ZC3H14: variants seen among roughly 807,000 people sequenced by gnomAD.
ZC3H14 encodes the protein zinc finger CCCH-type containing 14.
ZC3H14 carries 31 observed loss-of-function variants against 92.4 expected under a neutral mutation model. That is an observed-to-expected ratio of 0.34 (90% confidence interval 0.25 to 0.45). The LOEUF (loss-of-function observed/expected upper bound fraction) is 0.45. Among genes scored for constraint, ZC3H14 ranks in the 20% least tolerant of loss-of-function variants. ZC3H14 has a pLI of 1.00. For synonymous variants in ZC3H14, 321 were observed against 300.9 expected, an observed-to-expected ratio of 1.07 and a Z score of -0.69; for missense variants, 781 against 897.3, an observed-to-expected ratio of 0.87 and a Z score of 1.66.
chr14:88,566,054 G>GT (rs1232465391), intron 2 of ZC3H14, among the ~76,000 whole-genome samples: 3 of 40,194 alleles, frequency 7.5e-5, no homozygotes, highest in African/African-American at 2.7e-4. Context: ...TAATTTTTGT[G>GT]TTTTTAGTGG....
intron 2 of ZC3H14, among the ~76,000 whole-genome samples, chr14:88,566,023 A>ACCC (rs1447798619): frequency 6.9e-4 from 2 of 2,914 alleles, no homozygotes. Context: ...ACCTGCCACC[A>ACCC]CCCCGCCCCC....
In ZC3H14 at chr14:88,574,561, A is replaced by T. The variant is rs1421569719; in HGVS notation, c.862-132A>T. 36 of 1,206,904 alleles carry T rather than the reference A, an allele frequency of 3.0e-5. 1 individual carries two copies. The South Asian group carries it at 4.7e-4, about 16-fold the overall frequency. The allele number at this position is 1,206,904 out of a possible 1,614,324, so 74.8% of individuals were successfully genotyped here. On this transcript the variant is annotated intron_variant, in intron 6 of 16. Transcript: ENST00000251038. ...CCCAGCCTCATATTTATATTTTTAC[A>T]TAAAACCAAGAAATACTCTGTGAAT...
rs1024026435 is a variant in ZC3H14, at chr14:88,627,295, T to C, written c.*15544T>C. On this transcript the variant is annotated 3_prime_UTR_variant, in exon 17 of 17. Coordinates refer to ENST00000251038, the MANE Select transcript of ZC3H14 (RefSeq NM_024824.5). ...TTGTCTAAAGTGTGGTAGGTAATAT[T>C]ATCCTGCTGATCTGCCATTATCATT... 6 of 529,598 alleles carry C rather than the reference T, an allele frequency of 1.1e-5. No homozygotes were observed. Among genetic ancestry groups the C allele is most frequent in the African/African-American group, 5.7e-5 (3 of 52,854 alleles). The allele number at this position is 529,598 out of a possible 1,614,324, so 32.8% of individuals were successfully genotyped here. A position where few individuals can be genotyped will look rare whatever the true frequency, so the allele number is the denominator to read the frequency against.
In ZC3H14 at chr14:88,574,761, T is replaced by C. The variant is rs141723117; in HGVS notation, c.930T>C (p.His310=). 2.4e-5 allele frequency: 38 copies of C among 1,613,934 alleles called. No individual in the cohort carries two copies. The highest frequency in any genetic ancestry group is 2.9e-5 in the Non-Finnish European group (34 of 1,180,026). Reference sequence around the variant, plus strand: ...TTGTTAAAGTAAAAAAATTCAATCATGATGGAGAAGAGGAGGAAGAAGATG... The same window carrying C: ...TTGTTAAAGTAAAAAAATTCAATCACGATGGAGAAGAGGAGGAAGAAGATG... ...SSVVKVKKFN[H]DGEEEEEDDD... is the part of the protein sequence containing the mutation. Residue 310 remains histidine (H), a synonymous_variant, in exon 7 of 17, where the codon CAT becomes CAC. Coordinates refer to ENST00000251038, the MANE Select transcript of ZC3H14 (RefSeq NM_024824.5).
At chr14:88,574,002 T>G (rs1358562513) in intron 6 of ZC3H14, among the ~76,000 whole-genome samples, 1 of 152,210 alleles carries the variant, frequency 6.6e-6, no homozygotes, top group Non-Finnish European at 1.5e-5. Context: ...AGAGTTCTTT[T>G]GTATCACATC....
In ZC3H14 at chr14:88,620,435, A is replaced by G; in HGVS notation, c.*8684A>G. 4.7e-6 allele frequency: 1 copy of G among 213,266 alleles called. No individual in the cohort carries two copies. Among genetic ancestry groups the G allele is most frequent in the Non-Finnish European group, 9.2e-6 (1 of 109,128 alleles). 13.2% of individuals were successfully genotyped at this position (213,266 alleles called of 1,614,324 possible). A position where few individuals can be genotyped will look rare whatever the true frequency, so the allele number is the denominator to read the frequency against. ...TAGTTTTCCAGGGTGACAACTTTTG[A>G]AGGGCAGATAGCTCTCTTGTATTAC... On this transcript the variant is annotated 3_prime_UTR_variant, in exon 17 of 17. Coordinates refer to ENST00000251038, the MANE Select transcript of ZC3H14 (RefSeq NM_024824.5). This position sits in a 1 kb window ranked among gnomAD's most constrained non-coding sequence, Gnocchi z 4.3.
chr14:88,627,144 G>C lies in ZC3H14; in HGVS notation c.*15393G>C. 7.8e-7 allele frequency: 1 copy of C among 1,279,172 alleles called. No homozygotes were observed. Among genetic ancestry groups the C allele is most frequent in the Non-Finnish European group, 1.1e-6 (1 of 903,940 alleles). The allele number at this position is 1,279,172 out of a possible 1,614,324, so 79.2% of individuals were successfully genotyped here. A position where few individuals can be genotyped will look rare whatever the true frequency, so the allele number is the denominator to read the frequency against. ...AAAATACATAGTTCAAAAAACAAAG[G>C]CTTAGAAGAGAGGCCAATGGCCCCT... On this transcript the variant is annotated 3_prime_UTR_variant, in exon 17 of 17. Transcript: ENST00000251038.
chr14:88,563,124 C>T lies in ZC3H14; in HGVS notation c.-10C>T. 6.3e-7 allele frequency: 1 copy of T among 1,591,268 alleles called. No homozygotes were observed. Among genetic ancestry groups the T allele is most frequent in the Non-Finnish European group, 8.5e-7 (1 of 1,172,850 alleles). The stretch of plus-strand genomic sequence containing the variant: ...CCGCGCAGTGCTGAGTTCCCGCACG[C>T]CGCAGAGCCATGGAGATCGGCACCG... On this transcript the variant is annotated 5_prime_UTR_variant, in exon 1 of 17. Transcript: ENST00000251038.
chr14:88,600,651 T>C (rs1211612704), intron 10 of ZC3H14, among the ~76,000 whole-genome samples: 1 of 152,080 alleles, frequency 6.6e-6, no homozygotes, highest in Non-Finnish European at 1.5e-5. Flanking sequence ...GAGGTCTCAC[T>C]ATGTTGCCTA....
rs764340423 is a variant in ZC3H14 at position 88,618,310 on chromosome 14, G to A, written c.*6559G>A. On this transcript the variant is annotated 3_prime_UTR_variant, in exon 17 of 17. Transcript: ENST00000251038. ...CCTGAAGGCACTTCATAGACATGCC[G>A]TTTATAGCAGCCACTAGAGACCTTT... 11 of 1,613,640 alleles carry A rather than the reference G, an allele frequency of 6.8e-6. No individual in the cohort carries two copies. Among genetic ancestry groups the A allele is most frequent in the South Asian group, 3.3e-5 (3 of 91,066 alleles).
chr14:88,572,504 G>A, intron 5 of ZC3H14, 74 bp from the exon 6 acceptor site: 2 of 1,575,414 alleles, frequency 1.3e-6, no homozygotes, highest in South Asian at 2.3e-5. Context: ...AATTTTTCAA[G>A]TAAACATTCT....
intron 1 of ZC3H14, chr14:88,563,403 C>G (rs1036088120): frequency 1.3e-4 from 188 of 1,430,690 alleles, no homozygotes; most frequent in Non-Finnish European, 1.6e-4. Flanking sequence ...GGCGCAGGCC[C>G]GGCTGGAGCC....
At position 88,563,094 on chromosome 14, in the gene ZC3H14, A is replaced by T. The variant is rs572452661; in HGVS notation, c.-40A>T. The T allele has an allele frequency of 3.0e-5, 47 of 1,566,508 alleles. No individual in the cohort carries two copies. The South Asian group carries it at 5.4e-4, about 18-fold the overall frequency. The stretch of plus-strand genomic sequence containing the variant: ...GTCCGCGGCAGCCTCCGGGTAAGCC[A>T]AGCGCCGCGCAGTGCTGAGTTCCCG... On this transcript the variant is annotated 5_prime_UTR_variant, in exon 1 of 17. Transcript: ENST00000251038.
At chr14:88,566,028 G>GCCCCCCCCCCCCCCCCCCCCCCCCC (rs1161358992) in intron 2 of ZC3H14, among the ~76,000 whole-genome samples, 1 of 2,708 alleles carries the variant, frequency 3.7e-4, no homozygotes, top group Non-Finnish European at 1.1e-3. Context: ...CCACCACCCC[G>GCCCCCCCCCCCCCCCCCCCCCCCCC]CCCCCCCCCC....
chr14:88,602,716 T>C (rs1356491248), intron 11 of ZC3H14, 112 bp from the exon 12 acceptor site: 2 of 1,162,388 alleles, frequency 1.7e-6, no homozygotes, highest in Non-Finnish European at 2.5e-6. Context: ...CTTTTTTTAT[T>C]GAACCAAACG....
chr14:88,616,070 G>GTTTATGAGTT lies in ZC3H14; in HGVS notation c.*4320_*4321insTTATGAGTTT. ...CTAGCTGATTTCATAAACCAAAGCT[G>GTTTATGAGTT]TAGGAGTTGTTGTATTAAGTCTCTT... On this transcript the variant is annotated 3_prime_UTR_variant, in exon 17 of 17. Coordinates refer to ENST00000251038, the MANE Select transcript of ZC3H14 (RefSeq NM_024824.5). The GTTTATGAGTT allele has an allele frequency of 6.6e-7, 1 of 1,504,514 alleles. No homozygotes were observed. Among genetic ancestry groups the GTTTATGAGTT allele is most frequent in the Non-Finnish European group, 9.2e-7 (1 of 1,081,926 alleles). The allele number at this position is 1,504,514 out of a possible 1,614,324, so 93.2% of individuals were successfully genotyped here.
rs2088664364 is a variant in ZC3H14, at chr14:88,620,371, TGAG to T, written c.*8622_*8624del. 1 of 162,966 alleles carries T rather than the reference TGAG, an allele frequency of 6.1e-6. No individual in the cohort carries two copies. Among genetic ancestry groups the T allele is most frequent in the Non-Finnish European group, 1.3e-5 (1 of 75,818 alleles). The allele number at this position is 162,966 out of a possible 1,614,324, so 10.1% of individuals were successfully genotyped here. Reference sequence around the variant, plus strand: ...ATTAATGAACTACATATTCCCAAACTGAGGTTACTAAGAGAAGATATGTTTGAA... The same window carrying T: ...ATTAATGAACTACATATTCCCAAACTGTTACTAAGAGAAGATATGTTTGAA... On this transcript the variant is annotated 3_prime_UTR_variant, in exon 17 of 17. Coordinates refer to ENST00000251038, the MANE Select transcript of ZC3H14 (RefSeq NM_024824.5). The surrounding 1 kb of genome is among the most constrained non-coding windows in gnomAD (Gnocchi z 4.3).
chr14:88,572,376 G>T, intron 5 of ZC3H14, 151 bp downstream of exon 5: 2 of 1,097,262 alleles, frequency 1.8e-6, no homozygotes, highest in East Asian at 2.6e-5. Flanking sequence ...TAATGGATAA[G>T]ATCTAAGTAT....
At position 88,616,637 on chromosome 14, in the gene ZC3H14, A is replaced by C. The variant is rs1311460704; in HGVS notation, c.*4886A>C. 2 of 1,312,922 alleles carry C rather than the reference A, an allele frequency of 1.5e-6. No homozygotes were observed. The highest frequency in any genetic ancestry group is 1.7e-5 in the South Asian group (1 of 58,496). 81.3% of individuals were successfully genotyped at this position (1,312,922 alleles called of 1,614,324 possible). ...GGGGAAAAATTTAGAAATTAGGACA[A>C]AACATTTTAAATATATGGGGAAAAG... On this transcript the variant is annotated 3_prime_UTR_variant, in exon 17 of 17. Coordinates refer to ENST00000251038, the MANE Select transcript of ZC3H14 (RefSeq NM_024824.5).
Sources: allele counts gnomAD v4.1 joint callset (sites outside exome capture counted in the v4.1 genomes callset), GRCh38; gene constraint gnomAD v4.1.1; non-coding constraint Gnocchi (gnomAD v3.1); transcripts MANE v1.5; gene names NCBI Gene and HGNC (gene_info 2026-07-23, HGNC 2026-07-21).